SPOP: variants seen among roughly 807,000 people sequenced by gnomAD.
SPOP encodes speckle-type POZ protein.
A neutral mutation model predicts 45.6 loss-of-function variants in SPOP; 11 were observed. The observed-to-expected ratio is 0.24, with a 90% CI of 0.15 to 0.40. SPOP has a LOEUF of 0.40. Ranked by LOEUF, SPOP falls within the 10% of genes least tolerant of loss-of-function variation. SPOP has a pLI of 1.00. For missense variants in SPOP, 152 were observed against 465.6 expected (o/e 0.33, Z 6.20); for synonymous variants, 166 against 166.3 (o/e 1.00, Z 0.01).
chr17:49,655,062 G>C (rs1015176986), intron 1 of SPOP, among the ~76,000 whole-genome samples: 3 of 152,024 alleles, frequency 2.0e-5, no homozygotes, highest in Non-Finnish European at 4.4e-5. Context: ...TGTAACACTA[G>C]GAAGGAGATA....
At chr17:49,625,562 C>T (rs938996469) in intron 1 of SPOP, among the ~76,000 whole-genome samples, 7 of 152,022 alleles carry the variant, frequency 4.6e-5, no homozygotes, top group Admixed American at 1.3e-4. Context: ...GAGCCGAGAT[C>T]GCACCATTGC....
intron 2 of SPOP, 104 bp from the exon 3 acceptor site, chr17:49,622,171 T>G: frequency 7.0e-7 from 1 of 1,431,024 alleles, no homozygotes; most frequent in Non-Finnish European, 9.6e-7. Flanking sequence ...TGCATGATCC[T>G]GATAGGAAGA....
chr17:49,674,209 T>C (rs1054931292), intron 1 of SPOP, among the ~76,000 whole-genome samples: 4 of 152,188 alleles, frequency 2.6e-5, no homozygotes, highest in African/African-American at 9.7e-5. Flanking sequence ...AGGGTAAGGC[T>C]GGCCTCATAG....
intron 1 of SPOP, among the ~76,000 whole-genome samples, chr17:49,627,652 G>C (rs1284402039): frequency 6.6e-6 from 1 of 152,056 alleles, no homozygotes; most frequent in Non-Finnish European, 1.5e-5. Context: ...TCTAAGCCCA[G>C]GAAAAGGCCA....
chr17:49,638,808 T>G (rs2072592401), intron 1 of SPOP, among the ~76,000 whole-genome samples: 1 of 152,178 alleles, frequency 6.6e-6, no homozygotes. Context: ...GGTCAGGAGT[T>G]CGAGACTAGC....
chr17:49,654,505 T>C (rs903196786), intron 1 of SPOP, among the ~76,000 whole-genome samples: 1 of 152,244 alleles, frequency 6.6e-6, no homozygotes, highest in African/African-American at 2.4e-5. Context: ...GTTTCTTTTT[T>C]CCTTTCTTTC....
intron 8 of SPOP, 80 bp downstream of exon 8, chr17:49,607,170 T>C (rs1372709281): frequency 3.1e-6 from 5 of 1,589,204 alleles, no homozygotes; most frequent in East Asian, 2.2e-5. Context: ...TTACCCACAA[T>C]GCAACATAGA....
intron 5 of SPOP, among the ~76,000 whole-genome samples, chr17:49,617,120 C>G (rs1175511457): frequency 6.6e-6 from 1 of 152,180 alleles, no homozygotes; most frequent in African/African-American, 2.4e-5. Context: ...TGAGAAAAGG[C>G]TGGACCCACT....
At chr17:49,648,740 C>A (rs1466143543) in intron 1 of SPOP, among the ~76,000 whole-genome samples, 1 of 152,156 alleles carries the variant, frequency 6.6e-6, no homozygotes, top group Admixed American at 6.6e-5. Flanking sequence ...ACCTACTAAA[C>A]TCTTTTTACT....
chr17:49,662,075 G>A (rs992283421), intron 1 of SPOP, among the ~76,000 whole-genome samples: 2 of 148,864 alleles, frequency 1.3e-5, no homozygotes, highest in Non-Finnish European at 3.0e-5. Flanking sequence ...TTCCTCTTTA[G>A]AGAGACCCTT....
chr17:49,647,935 C>CCT (rs1204665078), intron 1 of SPOP, among the ~76,000 whole-genome samples: 2 of 152,184 alleles, frequency 1.3e-5, no homozygotes, highest in Non-Finnish European at 2.9e-5. Flanking sequence ...CAGTTACCTT[C>CCT]CTCTCCTTTG....
intron 1 of SPOP, among the ~76,000 whole-genome samples, chr17:49,659,378 G>C (rs1289060380): frequency 2.0e-5 from 3 of 152,134 alleles, no homozygotes; most frequent in Non-Finnish European, 1.5e-5. Flanking sequence ...TCCCAAACCA[G>C]CTCCTCCGAC....
intron 1 of SPOP, among the ~76,000 whole-genome samples, chr17:49,652,992 C>T (rs1240007773): frequency 3.3e-5 from 5 of 152,276 alleles, no homozygotes; most frequent in African/African-American, 4.8e-5. Flanking sequence ...GTTAAATAAA[C>T]TGTTAGAATA....
intron 1 of SPOP, among the ~76,000 whole-genome samples, chr17:49,663,775 A>G (rs955067274): frequency 6.6e-6 from 1 of 152,220 alleles, no homozygotes; most frequent in South Asian, 2.1e-4. Flanking sequence ...TTTAGCAGAC[A>G]TTTTCTTGAA....
intron 5 of SPOP, among the ~76,000 whole-genome samples, chr17:49,613,139 T>G (rs941475690): frequency 2.6e-5 from 4 of 152,186 alleles, no homozygotes; most frequent in Non-Finnish European, 5.9e-5. Flanking sequence ...CCCATAGAGA[T>G]TCTCTCTTGT....
intron 7 of SPOP, 97 bp downstream of exon 7, chr17:49,607,776 GA>G (rs1313953423): frequency 2.4e-6 from 3 of 1,239,252 alleles, no homozygotes. Context: ...ATTTTAGTAA[GA>G]AAAAAGTAAT....
intron 2 of SPOP, 127 bp downstream of exon 2, chr17:49,622,602 TTATC>T (rs1294249428): frequency 6.0e-5 from 45 of 754,126 alleles, no homozygotes; most frequent in Admixed American, 3.0e-4. Flanking sequence ...AACAAGTATC[TTATC>T]TATCTGCTCT....
intron 1 of SPOP, among the ~76,000 whole-genome samples, chr17:49,642,209 G>A (rs1380331164): frequency 6.6e-6 from 1 of 151,900 alleles, no homozygotes; most frequent in Non-Finnish European, 1.5e-5. Flanking sequence ...TAAAAAGTGA[G>A]CACATTTTAC....
intron 1 of SPOP, among the ~76,000 whole-genome samples, chr17:49,649,801 C>G (rs1014744742): frequency 2.0e-5 from 3 of 151,830 alleles, no homozygotes; most frequent in Non-Finnish European, 4.4e-5. Context: ...TGCACTCCAG[C>G]CTGGGCGACA....
Sources: gnomAD v4.1 joint callset for allele counts (sites outside exome capture counted in the v4.1 genomes callset) on GRCh38, gnomAD v4.1.1 for gene constraint, MANE v1.5 for transcripts, NCBI Gene and HGNC (gene_info 2026-07-23, HGNC 2026-07-21) for gene names.